MEGF6: variants seen among roughly 807,000 people sequenced by gnomAD.
The protein encoded by MEGF6 is multiple EGF like domains 6.
MEGF6 carries 184 observed loss-of-function variants against 207.1 expected under a neutral mutation model. The observed-to-expected ratio is 0.89, with a 90% confidence interval of 0.79 to 1.00. The LOEUF (loss-of-function observed/expected upper bound fraction) is 1.00. Ranked by LOEUF, MEGF6 falls within the 50% of genes least tolerant of loss-of-function variation. MEGF6 has a pLI of 0.00. For synonymous variants in MEGF6, 1,038 were observed against 910.0 expected (o/e 1.14, Z -2.53); for missense variants, 2,282 against 2,202.9 (o/e 1.04, Z -0.72).
the MEGF6 span, among the ~76,000 whole-genome samples, chr1:3,617,096 G>A: frequency 1.3e-5 from 2 of 148,656 alleles, no homozygotes; most frequent in East Asian, 2.0e-4. Context: ...CTCCAACCCC[G>A]GACACACAGG....
chr1:3,569,721 G>A (rs751697536), intron 4 of MEGF6, among the ~76,000 whole-genome samples: 7 of 152,256 alleles, frequency 4.6e-5, no homozygotes, highest in South Asian at 4.1e-4. Flanking sequence ...CTGGACAGCC[G>A]TCCATGCTAT....
intron 4 of MEGF6, among the ~76,000 whole-genome samples, chr1:3,567,277 G>A (rs1417148866): frequency 2.0e-5 from 3 of 152,134 alleles, no homozygotes; most frequent in South Asian, 2.1e-4. Context: ...CTTCCTACCC[G>A]CCAGGGCTCA....
chr1:3,496,923 G>A (rs1640630907), intron 28 of MEGF6, 65 bp downstream of exon 28: 10 of 1,531,264 alleles, frequency 6.5e-6, no homozygotes, highest in South Asian at 1.2e-5. Context: ...GGGGACCAGG[G>A]GAACTGGGGC....
chr1:3,517,719 G>C (rs559599451), intron 5 of MEGF6, among the ~76,000 whole-genome samples: 17 of 152,330 alleles, frequency 1.1e-4, no homozygotes, highest in Admixed American at 1.0e-3. Context: ...AGCCTGCAAA[G>C]TGGACCAAGC....
intron 4 of MEGF6, among the ~76,000 whole-genome samples, chr1:3,543,617 C>G (rs537757334): frequency 2.0e-5 from 3 of 152,240 alleles, no homozygotes; most frequent in African/African-American, 7.2e-5. Flanking sequence ...GAGGAAGCGT[C>G]GGCACTGCTG....
intron 4 of MEGF6, among the ~76,000 whole-genome samples, chr1:3,555,374 G>A (rs1643002562): frequency 6.6e-6 from 1 of 152,236 alleles, no homozygotes; most frequent in Non-Finnish European, 1.5e-5. Flanking sequence ...ATGGCCTCAG[G>A]CCGCTGGGTG....
At chr1:3,525,200 C>A (rs12097309) in intron 4 of MEGF6, among the ~76,000 whole-genome samples, 39,119 of 152,116 alleles carry the variant, frequency 0.26, 5,369 homozygotes, top group Middle Eastern at 0.32. Flanking sequence ...CCGGCACCCT[C>A]CCCCATGAAG....
chr1:3,557,856 G>A (rs559935146), intron 4 of MEGF6, among the ~76,000 whole-genome samples: 17 of 152,300 alleles, frequency 1.1e-4, no homozygotes, highest in African/African-American at 2.6e-4. Context: ...TCTATGAGGC[G>A]CCGTCCGGGT....
intron 4 of MEGF6, among the ~76,000 whole-genome samples, chr1:3,555,047 C>T (rs1021721000): frequency 1.3e-5 from 2 of 152,180 alleles, no homozygotes; most frequent in South Asian, 4.1e-4. Flanking sequence ...CCAGCCACAC[C>T]CTCTTGTCCA....
chr1:3,572,109 C>T lies in MEGF6; in HGVS notation c.481+7716G>A, dbSNP rs115957107. On this transcript the variant is annotated intron_variant, in intron 4 of 36. Transcript: ENST00000356575. The stretch of plus-strand genomic sequence containing the variant: ...CTGGGTCCTCCCGGGTGTGCTGGGT[C>T]CTTCCTGAGTGTGTTAGGTTCTCCC... Among the ~76,000 whole-genome samples, 1,005 of 138,982 alleles carry T rather than the reference C, an allele frequency of 7.2e-3. 16 individuals carry two copies. The highest frequency in any genetic ancestry group is 0.026 in the African/African-American group (937 of 36,462). 91.2% of individuals were successfully genotyped at this position (138,982 alleles called of 152,430 possible).
intron 2 of MEGF6, among the ~76,000 whole-genome samples, chr1:3,601,188 C>T (rs2101875925): frequency 6.6e-6 from 1 of 152,368 alleles, no homozygotes; most frequent in Middle Eastern, 3.4e-3. Context: ...GAGGGGACTT[C>T]CTCAGCCCGG....
intron 3 of MEGF6, 73 bp downstream of exon 3, chr1:3,595,265 G>T (rs1353171736): frequency 1.9e-6 from 2 of 1,057,694 alleles, no homozygotes; most frequent in Non-Finnish European, 2.9e-6. Flanking sequence ...CAGGCCCGGG[G>T]CAGATTCATG....
chr1:3,533,193 G>A (rs1642228872), intron 4 of MEGF6, among the ~76,000 whole-genome samples: 2 of 152,222 alleles, frequency 1.3e-5, no homozygotes, highest in South Asian at 4.1e-4. Context: ...GCGTGGGAAA[G>A]AAGAGGCCCC....
At chr1:3,583,357 C>T (rs1643847779) in intron 3 of MEGF6, among the ~76,000 whole-genome samples, 2 of 127,816 alleles carry the variant, frequency 1.6e-5, no homozygotes, top group Non-Finnish European at 3.1e-5. Context: ...CACCAGACAA[C>T]GCGCAGCCAC....
In MEGF6 at chr1:3,505,209, T is replaced by C. The variant is rs545394744; in HGVS notation, c.2187A>G (p.Gln729=). 6.2e-7 allele frequency: 1 copy of C among 1,611,736 alleles called. No homozygotes were observed. The highest frequency in any genetic ancestry group is 8.5e-7 in the Non-Finnish European group (1 of 1,179,790). ...GAGCCCCAGGGGCCGGCCACTCACC[T>C]TGGCCACAGTCCTCTCCCTGGAAGC... The part of the protein sequence containing the change: ...PAGFQGEDCG[Q]ECPVGTFGVN... The change falls in exon 17 of 37, where the codon CAA becomes CAG. Residue 729 remains glutamine, a splice_region_variant and synonymous_variant. Transcript: ENST00000356575.
intron 17 of MEGF6, among the ~76,000 whole-genome samples, chr1:3,503,131 C>T (rs1218234439): frequency 3.9e-5 from 6 of 152,144 alleles, no homozygotes; most frequent in Admixed American, 1.3e-4. Flanking sequence ...GACCTGACCC[C>T]GCTGAGGCCC....
intron 26 of MEGF6, 102 bp downstream of exon 26, chr1:3,498,269 G>C (rs1218752719): frequency 1.4e-6 from 2 of 1,395,528 alleles, no homozygotes; most frequent in Admixed American, 5.1e-5. Flanking sequence ...AGGTCCCCTG[G>C]TGAGGCCCCA....
chr1:3,535,311 A>G (rs1390947129), intron 4 of MEGF6, among the ~76,000 whole-genome samples: 1 of 152,086 alleles, frequency 6.6e-6, no homozygotes, highest in East Asian at 1.9e-4. Flanking sequence ...GGCAAAGGAA[A>G]TTGTCTTTTC....
rs146296629 is a variant in MEGF6, at chr1:3,563,227, C to A, written c.481+16598G>T. Among the ~76,000 whole-genome samples, 173 of 152,296 alleles carry A rather than the reference C, an allele frequency of 1.1e-3. 5 individuals carry two copies. In the East Asian group the frequency reaches 0.032, roughly 28 times the overall value. ...CACCTGCCCAAACCTTCATCAAGAC[C>A]ATGGTTTCCCGGGGTCCAAGCCCAT... On this transcript the variant is annotated intron_variant, in intron 4 of 36. Coordinates refer to ENST00000356575, the MANE Select transcript of MEGF6 (RefSeq NM_001409.4).
Sources: gnomAD v4.1 joint callset for allele counts (sites outside exome capture counted in the v4.1 genomes callset) on GRCh38, gnomAD v4.1.1 for gene constraint, MANE v1.5 for transcripts, NCBI Gene and HGNC (gene_info 2026-07-23, HGNC 2026-07-21) for gene names.